FUT8: variants seen among roughly 807,000 people sequenced by gnomAD.
FUT8 encodes the protein alpha-(1,6)-fucosyltransferase.
In FUT8, 29 loss-of-function variants were observed where a neutral mutation model predicts 71.3. The ratio of observed to expected loss-of-function variants is 0.41; its 90% confidence interval spans 0.30 to 0.55. FUT8 has a LOEUF of 0.55. Among genes scored for constraint, FUT8 ranks in the 20% least tolerant of loss-of-function variants. The pLI, the probability that FUT8 is intolerant of heterozygous loss-of-function variation, is 0.34. For missense variants in FUT8, 544 were observed against 702.1 expected (o/e 0.77, Z 2.55); for synonymous variants, 254 against 239.3 (o/e 1.06, Z -0.57).
intron 10 of FUT8, among the ~76,000 whole-genome samples, chr14:65,736,672 C>T (rs538094779): frequency 2.0e-5 from 3 of 151,908 alleles, no homozygotes; most frequent in Non-Finnish European, 4.4e-5. Context: ...TTCAGACTTT[C>T]CTATATATGT....
At position 65,678,007 on chromosome 14, in the gene FUT8, C is replaced by G. The variant is rs1348221484; in HGVS notation, c.835+8527C>G. Among the ~76,000 whole-genome samples, 7 of 152,160 alleles carry G rather than the reference C, an allele frequency of 4.6e-5. 1 individual carries two copies. The highest frequency in any genetic ancestry group is 4.6e-4 in the Admixed American group (7 of 15,272). ...TTGATTTGGAGTCAGAAGTTATTAG[C>G]TGTGTTACTTTGGGTAGTGTCCCTT... On this transcript the variant is annotated intron_variant, in intron 7 of 10. Transcript: ENST00000673929.
the FUT8 span, among the ~76,000 whole-genome samples, chr14:65,386,484 A>G: frequency 6.6e-3 from 934 of 140,534 alleles, 14 homozygotes; most frequent in East Asian, 0.04. Context: ...AGCCTGGGCC[A>G]CAGAGTGAGA....
chr14:65,570,941 T>G (rs1886437214), intron 3 of FUT8, among the ~76,000 whole-genome samples: 2 of 152,114 alleles, frequency 1.3e-5, no homozygotes. Flanking sequence ...GCATTCAGAC[T>G]GTGTTCAAAT....
chr14:65,634,388 C>A (rs1156949134), intron 6 of FUT8, among the ~76,000 whole-genome samples: 1 of 151,876 alleles, frequency 6.6e-6, no homozygotes, highest in Non-Finnish European at 1.5e-5. Context: ...GAGTCATCAC[C>A]ACTCCCTAAT....
intron 2 of FUT8, among the ~76,000 whole-genome samples, chr14:65,494,736 A>G (rs925270118): frequency 2.0e-5 from 3 of 151,984 alleles, no homozygotes; most frequent in African/African-American, 7.2e-5. Context: ...TGCATTAGGT[A>G]TTTGTCTGAG....
chr14:65,651,297 T>A (rs1891395544), intron 6 of FUT8, among the ~76,000 whole-genome samples: 1 of 152,246 alleles, frequency 6.6e-6, no homozygotes, highest in Non-Finnish European at 1.5e-5. Context: ...AATTGGGCTC[T>A]GCTGTGTTAT....
chr14:65,508,491 GTTTTTTTTTTTTTT>G (rs34809476), intron 2 of FUT8, among the ~76,000 whole-genome samples: 1 of 46,492 alleles, frequency 2.2e-5, no homozygotes, highest in Non-Finnish European at 3.9e-5. Context: ...AGTTGTTTGA[GTTTTTTTTTTTTTT>G]TTTTTTTTTT....
At chr14:65,453,140 C>CTT (rs35340794) in intron 1 of FUT8, among the ~76,000 whole-genome samples, 4 of 143,606 alleles carry the variant, frequency 2.8e-5, no homozygotes, top group Middle Eastern at 3.6e-3. Flanking sequence ...TTCCTATATT[C>CTT]TTTTTTTTTT....
At chr14:65,620,752 A>G (rs748126726) in intron 5 of FUT8, among the ~76,000 whole-genome samples, 1 of 152,232 alleles carries the variant, frequency 6.6e-6, no homozygotes, top group Non-Finnish European at 1.5e-5. Flanking sequence ...ATTGAGACTT[A>G]TATTAAGCTG....
intron 3 of FUT8, among the ~76,000 whole-genome samples, chr14:65,600,664 G>A (rs982988812): frequency 6.6e-6 from 1 of 152,106 alleles, no homozygotes; most frequent in Non-Finnish European, 1.5e-5. Context: ...ATGGGGACTA[G>A]ACTTGTTATT....
At chr14:65,626,169 T>G (rs1302315114) in intron 5 of FUT8, among the ~76,000 whole-genome samples, 1 of 151,936 alleles carries the variant, frequency 6.6e-6, no homozygotes, top group African/African-American at 2.4e-5. Context: ...TAGTAGGTAC[T>G]CTTCAGACAC....
rs1895435344 is a variant in FUT8 at position 65,721,898 on chromosome 14, A to G, written c.959A>G (p.His320Arg). 6.2e-7 allele frequency: 1 copy of G among 1,614,210 alleles called. No individual in the cohort carries two copies. Among genetic ancestry groups the G allele is most frequent in the East Asian group, 2.2e-5 (1 of 44,878 alleles). The stretch of plus-strand genomic sequence containing the variant: ...CTCGCAGATCGACTTGTACGAGTGC[A>G]TGGTGACCCTGCAGTGTGGTGGGTG... ...EDLADRLVRVHGDPAVWWVSQ... is the reference protein window; with the variant it reads ...EDLADRLVRVRGDPAVWWVSQ... The change falls in exon 8 of 11, where the codon CAT becomes CGT. Residue 320 changes from histidine (H) to arginine (R), a missense_variant. His to Arg is a conservative substitution (Grantham distance 29). Coordinates refer to ENST00000673929, the MANE Select transcript of FUT8 (RefSeq NM_001371533.1).
At chr14:65,592,034 A>T (rs1282385950) in intron 3 of FUT8, among the ~76,000 whole-genome samples, 2 of 152,088 alleles carry the variant, frequency 1.3e-5, no homozygotes, top group Non-Finnish European at 2.9e-5. Flanking sequence ...TCTAGATCTC[A>T]CCTAGTTCTT....
chr14:65,380,263 A>T, the FUT8 span, among the ~76,000 whole-genome samples: 1 of 152,166 alleles, frequency 6.6e-6, no homozygotes, highest in South Asian at 2.1e-4. Flanking sequence ...ATCTCATGAG[A>T]CTTATTCACT....
intron 3 of FUT8, among the ~76,000 whole-genome samples, chr14:65,597,721 T>G (rs902907405): frequency 2.0e-5 from 3 of 152,028 alleles, no homozygotes; most frequent in East Asian, 1.9e-4. Flanking sequence ...AATTTTTTTT[T>G]GGAGGCTTGG....
chr14:65,497,159 A>G (rs1430417818), intron 2 of FUT8, among the ~76,000 whole-genome samples: 2 of 152,172 alleles, frequency 1.3e-5, no homozygotes, highest in African/African-American at 4.8e-5. Flanking sequence ...CAACGGTAAT[A>G]TATGTCCAGT....
chr14:65,542,195 G>A (rs374617251), intron 2 of FUT8, among the ~76,000 whole-genome samples: 9 of 152,274 alleles, frequency 5.9e-5, no homozygotes, highest in Non-Finnish European at 4.4e-5. Flanking sequence ...AGAGACCAGC[G>A]TAATAGGAAT....
At chr14:65,437,454 C>A (rs1323629699) in intron 1 of FUT8, among the ~76,000 whole-genome samples, 4 of 152,102 alleles carry the variant, frequency 2.6e-5, no homozygotes, top group African/African-American at 9.7e-5. Flanking sequence ...TACTTGGGAC[C>A]TCCAAAGGTC....
chr14:65,522,734 C>G (rs998501291), intron 2 of FUT8, among the ~76,000 whole-genome samples: 1 of 136,848 alleles, frequency 7.3e-6, no homozygotes, highest in Non-Finnish European at 1.6e-5. Flanking sequence ...CCCCCCACCC[C>G]GCAACAGGCC....
Sources: gnomAD v4.1 joint callset for allele counts (sites outside exome capture counted in the v4.1 genomes callset) on GRCh38, gnomAD v4.1.1 for gene constraint, MANE v1.5 for transcripts, NCBI Gene and HGNC (gene_info 2026-07-23, HGNC 2026-07-21) for gene names.